Variants in TMBIM6 observed in about 807,000 individuals in gnomAD.
TMBIM6 encodes the protein bax inhibitor 1.
In TMBIM6, 13 loss-of-function variants were observed where a neutral mutation model predicts 31.4. The observed-to-expected ratio is 0.41, with a 90% CI of 0.27 to 0.66. The LOEUF is 0.66. TMBIM6 is among the 30% of genes least tolerant of loss of function. The probability of loss-of-function intolerance (pLI) is 0.28; values close to 1 mark genes in which losing one functional copy is unlikely to be tolerated. For missense variants in TMBIM6, 275 were observed against 289.5 expected, an observed-to-expected ratio of 0.95 and a Z score of 0.36; for synonymous variants, 85 against 101.7, an observed-to-expected ratio of 0.84 and a Z score of 0.99.
intron 4 of TMBIM6, among the ~76,000 whole-genome samples, chr12:49,757,746 G>A (rs970173531): frequency 1.8e-4 from 28 of 152,300 alleles, no homozygotes; most frequent in African/African-American, 6.7e-4. Context: ...TGTTAGAGCT[G>A]GAACAGGTTG....
chr12:49,750,124 A>G (rs1227039157), intron 1 of TMBIM6, among the ~76,000 whole-genome samples: 1 of 152,154 alleles, frequency 6.6e-6, no homozygotes, highest in Non-Finnish European at 1.5e-5. Flanking sequence ...TTTTTCCATC[A>G]ACAGTTGTTA....
At chr12:49,749,733 C>T (rs1262013067) in intron 1 of TMBIM6, 2 of 152,146 alleles carry the variant, frequency 1.3e-5, no homozygotes, top group African/African-American at 4.8e-5. Flanking sequence ...TGTGCCCAAC[C>T]TGTAAGTCAT....
intron 2 of TMBIM6, 22 bp from the exon 3 acceptor site, chr12:49,752,951 C>T: frequency 6.2e-7 from 1 of 1,607,384 alleles, no homozygotes. Flanking sequence ...ACTGATTGCT[C>T]TTATTCACAT....
At chr12:49,762,796 C>A in intron 9 of TMBIM6, 77 bp from the exon 10 acceptor site, 1 of 1,397,562 alleles carries the variant, frequency 7.2e-7, no homozygotes, top group Non-Finnish European at 1.0e-6. Flanking sequence ...TAGTCCCTAA[C>A]TAAATGCTCA....
intron 1 of TMBIM6, among the ~76,000 whole-genome samples, chr12:49,746,319 A>C (rs530547532): frequency 1.6e-4 from 25 of 152,114 alleles, no homozygotes; most frequent in African/African-American, 5.5e-4. Context: ...CCTGACCTCA[A>C]GTGATCCGCC....
rs557949771 is a variant in TMBIM6, at chr12:49,758,838, C to T, written c.513+76C>T. 147 of 1,102,214 alleles carry T rather than the reference C, an allele frequency of 1.3e-4. No homozygotes were observed. In the African/African-American group the frequency reaches 1.4e-3, roughly 10 times the overall value. 68.3% of individuals were successfully genotyped at this position (1,102,214 alleles called of 1,614,324 possible). Reference sequence around the variant, plus strand: ...CTTTCCTTTTTTTTTTTTTTTTGCACTTCTTTCTGTACTACTTTGGGCAGT... The same window carrying T: ...CTTTCCTTTTTTTTTTTTTTTTGCATTTCTTTCTGTACTACTTTGGGCAGT... On this transcript the variant is annotated intron_variant, in intron 7 of 9. Transcript: ENST00000267115.
At chr12:49,752,339 T>A (rs2136942876) in intron 1 of TMBIM6, 125 bp from the exon 2 acceptor site, 2 of 606,060 alleles carry the variant, frequency 3.3e-6, no homozygotes, top group East Asian at 5.9e-5. Flanking sequence ...ATGGTTGTGT[T>A]AGGGCTGTAG....
At position 49,758,261 on chromosome 12, in the gene TMBIM6, T is replaced by G; in HGVS notation, c.321T>G (p.Ile107Met). 6.2e-7 allele frequency: 1 copy of G among 1,614,268 alleles called. No homozygotes were observed. Among genetic ancestry groups the G allele is most frequent in the South Asian group, 1.1e-5 (1 of 91,088 alleles). The change falls in exon 5 of 10, where the codon ATT becomes ATG. Residue 107 changes from isoleucine (I) to methionine (M), a missense_variant. Physicochemically the swap from Ile to Met is conservative, Grantham distance 10. Transcript: ENST00000267115. ...TGGGCCCTGCCCTGGAGTTTTGTAT[T>G]GCTGTCAACCCCAGGTAACTCTTTT... ...VGLGPALEFC[I>M]AVNPSILPTA...
At chr12:49,756,230 G>T (rs1239117656) in intron 4 of TMBIM6, among the ~76,000 whole-genome samples, 1 of 151,948 alleles carries the variant, frequency 6.6e-6, no homozygotes, top group Non-Finnish European at 1.5e-5. Context: ...CTGCCTTCCG[G>T]GTTCAAGCGA....
intron 2 of TMBIM6, among the ~76,000 whole-genome samples, 174 bp downstream of exon 2, chr12:49,752,723 G>A (rs1381680889): frequency 6.6e-6 from 1 of 152,164 alleles, no homozygotes; most frequent in African/African-American, 2.4e-5. Flanking sequence ...TATTGGAAAG[G>A]CATTTATTCT....
At chr12:49,747,410 G>A (rs992131752) in intron 1 of TMBIM6, among the ~76,000 whole-genome samples, 2 of 152,128 alleles carry the variant, frequency 1.3e-5, no homozygotes, top group Non-Finnish European at 2.9e-5. Context: ...CTGGGCTCAA[G>A]CAATTCTCCT....
chr12:49,748,499 C>T (rs2136934782), intron 1 of TMBIM6, among the ~76,000 whole-genome samples: 1 of 152,300 alleles, frequency 6.6e-6, no homozygotes, highest in South Asian at 2.1e-4. Context: ...ATGGCTCTGG[C>T]AGAGGAGGCT....
intron 1 of TMBIM6, among the ~76,000 whole-genome samples, chr12:49,746,228 G>T (rs186680468): frequency 5.9e-4 from 89 of 151,422 alleles, no homozygotes; most frequent in African/African-American, 2.0e-3. Flanking sequence ...GATTATAGGC[G>T]CCCACCACCA....
At chr12:49,745,059 G>T (rs1945364972) in intron 1 of TMBIM6, among the ~76,000 whole-genome samples, 1 of 152,206 alleles carries the variant, frequency 6.6e-6, no homozygotes, top group Admixed American at 6.5e-5. Flanking sequence ...AGGGATTTGG[G>T]TCCAAGTTAA....
intron 8 of TMBIM6, among the ~76,000 whole-genome samples, chr12:49,760,199 A>T (rs1007301468): frequency 6.6e-6 from 1 of 151,086 alleles, no homozygotes; most frequent in African/African-American, 2.4e-5. Context: ...AGGGAAAGAG[A>T]TCTTTCTCCT....
At chr12:49,758,610 A>T (rs755555202) in intron 6 of TMBIM6, 73 bp from the exon 7 acceptor site, 9 of 1,577,294 alleles carry the variant, frequency 5.7e-6, no homozygotes, top group Non-Finnish European at 7.0e-6. Flanking sequence ...GGGGAAGTTA[A>T]GGAATGGCTT....
intron 8 of TMBIM6, among the ~76,000 whole-genome samples, chr12:49,761,424 C>T (rs1429401412): frequency 2.0e-5 from 3 of 152,028 alleles, no homozygotes; most frequent in East Asian, 1.9e-4. Context: ...AGGTTGGTCT[C>T]GAACTCCTGG....
chr12:49,762,007 A>G lies in TMBIM6; in HGVS notation c.690+228A>G, dbSNP rs1320301509. The G allele has an allele frequency of 8.2e-6, 4 of 490,536 alleles. No individual in the cohort carries two copies. The East Asian group carries it at 1.3e-4, about 17-fold the overall frequency. The allele number at this position is 490,536 out of a possible 1,614,324, so 30.4% of individuals were successfully genotyped here. On this transcript the variant is annotated intron_variant, in intron 9 of 9. Transcript: ENST00000267115. ...TCCTGCGTTTAGTATGAAAGGGAAA[A>G]AAGCTTCAGTGGCAGTAAACACAAC...
intron 3 of TMBIM6, among the ~76,000 whole-genome samples, chr12:49,753,933 T>G (rs1945541881): frequency 6.6e-6 from 1 of 151,974 alleles, no homozygotes; most frequent in Non-Finnish European, 1.5e-5. Flanking sequence ...ACTTTTTTTT[T>G]TTTTTTTGAG....
Sources: gnomAD v4.1 joint callset for allele counts (sites outside exome capture counted in the v4.1 genomes callset) on GRCh38, gnomAD v4.1.1 for gene constraint, MANE v1.5 for transcripts, NCBI Gene and HGNC (gene_info 2026-07-23, HGNC 2026-07-21) for gene names.